Variants in ZC3H12D observed in about 807,000 individuals in gnomAD.
ZC3H12D encodes the protein zinc finger CCCH-type containing 12D.
Under a neutral mutation model 24.2 loss-of-function variants are expected in ZC3H12D, and 11 were observed. The observed-to-expected ratio is 0.46, with a 90% confidence interval of 0.29 to 0.75. The LOEUF (loss-of-function observed/expected upper bound fraction) is 0.75, where lower values mean the gene tolerates loss of function less well. Among genes scored for constraint, ZC3H12D ranks in the 30% least tolerant of loss-of-function variants. The pLI is 0.11. For synonymous variants in ZC3H12D, 333 were observed against 341.8 expected (o/e 0.97, Z 0.28); for missense variants, 740 against 767.7 (o/e 0.96, Z 0.43).
intron 2 of ZC3H12D, 80 bp from the exon 3 acceptor site, chr6:149,462,050 C>T (rs1274595506): frequency 6.7e-7 from 1 of 1,496,426 alleles, no homozygotes; most frequent in East Asian, 2.4e-5. Flanking sequence ...TCCTGGATCA[C>T]AGTCTCATAA....
At position 149,456,506 on chromosome 6, in the gene ZC3H12D, C is replaced by T. The variant is rs369710436; in HGVS notation, c.680+160G>A. On this transcript the variant is annotated intron_variant, in intron 4 of 5. Coordinates refer to ENST00000409806, the MANE Select transcript of ZC3H12D (RefSeq NM_207360.3). This position sits in a 1 kb window ranked among gnomAD's most constrained non-coding sequence, Gnocchi z 4.3. The stretch of plus-strand genomic sequence containing the variant: ...AGCAAAGCAGCCCACCTATTGGGGA[C>T]GTGCCCGCCGAGAATGCGGACCTGG... 1.3e-5 allele frequency among the ~76,000 whole-genome samples: 2 copies of T among 152,152 alleles called. No homozygotes were observed. Among genetic ancestry groups the T allele is most frequent in the South Asian group, 2.1e-4 (1 of 4,804 alleles).
Position 149,456,989 on chromosome 6 carries a change from GC to G in ZC3H12D, c.446-90del, listed in dbSNP as rs1775995343. Reference sequence around the variant, plus strand: ...CAACGCGAGGCCACCCGCTTCCCGGGCCGGTCAGATGAGGTTTTGAGGGGAG... The same window carrying G: ...CAACGCGAGGCCACCCGCTTCCCGGGCGGTCAGATGAGGTTTTGAGGGGAG... On this transcript the variant is annotated intron_variant, in intron 3 of 5. Transcript: ENST00000409806. The surrounding 1 kb of genome is among the most constrained non-coding windows in gnomAD (Gnocchi z 4.3). The G allele has an allele frequency of 7.4e-7, 1 of 1,342,952 alleles. No homozygotes were observed. Among genetic ancestry groups the G allele is most frequent in the Admixed American group, 2.1e-5 (1 of 47,542 alleles). The allele number at this position is 1,342,952 out of a possible 1,614,324, so 83.2% of individuals were successfully genotyped here.
chr6:149,460,641 C>G (rs931245720), intron 3 of ZC3H12D, among the ~76,000 whole-genome samples: 2 of 152,004 alleles, frequency 1.3e-5, no homozygotes, highest in Non-Finnish European at 2.9e-5. Flanking sequence ...TCAAGACCAG[C>G]CAACATGATG....
chr6:149,456,622 C>CCCCCCCCCCCCCCCCCCGGGGTGACG lies in ZC3H12D; in HGVS notation c.680+43_680+44insCGTCACCCCGGGGGGGGGGGGGGGGG. On this transcript the variant is annotated intron_variant, in intron 4 of 5. Transcript: ENST00000409806. This position sits in a 1 kb window ranked among gnomAD's most constrained non-coding sequence, Gnocchi z 4.3. ...GGCCACTGCCTCGACCCCGGCCCCCCGCCCCGCCGCCCCCCAGGGTGTCAG... is the reference window on the plus strand; with the variant it reads ...GGCCACTGCCTCGACCCCGGCCCCCCCCCCCCCCCCCCCCCCCGGGGTGACGGCCCCGCCGCCCCCCAGGGTGTCAG... 1.5e-6 allele frequency: 2 copies of CCCCCCCCCCCCCCCCCCGGGGTGACG among 1,314,360 alleles called. No homozygotes were observed. The highest frequency in any genetic ancestry group is 2.2e-6 in the Non-Finnish European group (2 of 921,308). The allele number at this position is 1,314,360 out of a possible 1,614,324, so 81.4% of individuals were successfully genotyped here.
At position 149,448,620 on chromosome 6, in the gene ZC3H12D, C is replaced by T. The variant is rs916159888; in HGVS notation, c.*2063G>A. 14 of 152,208 alleles carry T rather than the reference C, an allele frequency of 9.2e-5. No individual in the cohort carries two copies. The highest frequency in any genetic ancestry group is 3.1e-4 in the African/African-American group (13 of 41,452). 9.4% of individuals were successfully genotyped at this position (152,208 alleles called of 1,614,324 possible). ...AACTTATTTACAAAGAATGGGTCAT[C>T]TTCAGGCCTGAGATCCCAATATGTT... is the stretch of plus-strand genomic sequence containing the variant. On this transcript the variant is annotated 3_prime_UTR_variant, in exon 6 of 6. Coordinates refer to ENST00000409806, the MANE Select transcript of ZC3H12D (RefSeq NM_207360.3).
intron 1 of ZC3H12D, among the ~76,000 whole-genome samples, chr6:149,476,444 C>T (rs1776341860): frequency 6.6e-6 from 1 of 151,952 alleles, no homozygotes; most frequent in Non-Finnish European, 1.5e-5. Flanking sequence ...GCAGAGGCTG[C>T]AGTAAGCCAA....
At chr6:149,475,860 G>A (rs1230388512) in intron 1 of ZC3H12D, among the ~76,000 whole-genome samples, 1 of 152,100 alleles carries the variant, frequency 6.6e-6, no homozygotes, top group East Asian at 1.9e-4. Flanking sequence ...AAACCAACAG[G>A]AACACTCTAG....
rs771978450 is a variant in ZC3H12D at position 149,452,668 on chromosome 6, G to A, written c.735C>T (p.Phe245=). 1.9e-6 allele frequency: 3 copies of A among 1,608,682 alleles called. No individual in the cohort carries two copies. The highest frequency in any genetic ancestry group is 1.1e-5 in the South Asian group (1 of 89,950). Residue 245 remains phenylalanine, a synonymous_variant, in exon 5 of 6, where the codon TTC becomes TTT. Transcript: ENST00000409806. The surrounding 1 kb of genome is among the most constrained non-coding windows in gnomAD (Gnocchi z 4.0). The part of the protein sequence containing the change: ...LGRHGPSLSN[F]LSRKPKPPEP... ...CTGGGGGCTTCGGCTTCCTGCTCAG[G>A]AAGTTGCTCAGGGAGGGTCCATGGC...
At chr6:149,465,775 G>A (rs1250325581) in intron 2 of ZC3H12D, among the ~76,000 whole-genome samples, 4 of 140,860 alleles carry the variant, frequency 2.8e-5, no homozygotes, top group Admixed American at 6.9e-5. Flanking sequence ...AAGGGGGGGG[G>A]AAGAGGAAGC....
chr6:149,465,771 G>T (rs56019219), intron 2 of ZC3H12D, among the ~76,000 whole-genome samples: 23 of 150,628 alleles, frequency 1.5e-4, no homozygotes, highest in East Asian at 3.9e-4. Context: ...AAAAAAGGGG[G>T]GGGGAAGAGG....
rs530648650 is a variant in ZC3H12D at position 149,447,628 on chromosome 6, T to G, written c.*3055A>C. 1 of 152,272 alleles carries G rather than the reference T, an allele frequency of 6.6e-6. No individual in the cohort carries two copies. Among genetic ancestry groups the G allele is most frequent in the African/African-American group, 2.4e-5 (1 of 41,556 alleles). The allele number at this position is 152,272 out of a possible 1,614,324, so 9.4% of individuals were successfully genotyped here. A position where few individuals can be genotyped will look rare whatever the true frequency, so the allele number is the denominator to read the frequency against. The stretch of plus-strand genomic sequence containing the variant: ...ACAATTTGACAATAAAGAATCCAGG[T>G]GTGGTAAAAAATGATTTATTTTTGA... On this transcript the variant is annotated 3_prime_UTR_variant, in exon 6 of 6. Transcript: ENST00000409806.
At chr6:149,473,107 G>A (rs1334625856) in intron 2 of ZC3H12D, among the ~76,000 whole-genome samples, 1 of 150,040 alleles carries the variant, frequency 6.7e-6, no homozygotes, top group African/African-American at 2.5e-5. Context: ...TGGCATCAAT[G>A]CCAGGGAGAC....
intron 4 of ZC3H12D, among the ~76,000 whole-genome samples, chr6:149,453,266 C>T (rs981377453): frequency 6.6e-6 from 1 of 150,666 alleles, no homozygotes; most frequent in Admixed American, 6.6e-5. Context: ...TGCCACTGCA[C>T]TCCAGCCCCG....
intron 1 of ZC3H12D, among the ~76,000 whole-genome samples, chr6:149,483,611 C>T (rs1399621421): frequency 6.6e-6 from 1 of 152,204 alleles, no homozygotes; most frequent in African/African-American, 2.4e-5. Flanking sequence ...GCTTATTTTG[C>T]TCAGCATTAT....
At chr6:149,454,928 C>A (rs1416550113) in intron 4 of ZC3H12D, among the ~76,000 whole-genome samples, 1 of 152,248 alleles carries the variant, frequency 6.6e-6, no homozygotes, top group Non-Finnish European at 1.5e-5. Context: ...GCTGCAGGGG[C>A]AGTTGGCCTT....
intron 5 of ZC3H12D, 79 bp from the exon 6 acceptor site, chr6:149,451,558 G>T: frequency 7.8e-7 from 1 of 1,285,006 alleles, no homozygotes; most frequent in African/African-American, 1.6e-5. Flanking sequence ...TGCATCCGGG[G>T]AGTGCCGGCC....
chr6:149,474,723 G>C (rs565076935), intron 1 of ZC3H12D, 110 bp from the exon 2 acceptor site: 1 of 485,160 alleles, frequency 2.1e-6, no homozygotes, highest in African/African-American at 1.9e-5. Context: ...AAATCAGGTG[G>C]AGCCCAGTCC....
intron 3 of ZC3H12D, among the ~76,000 whole-genome samples, chr6:149,457,579 T>C (rs371024236): frequency 1.2e-4 from 19 of 152,354 alleles, no homozygotes; most frequent in Middle Eastern, 3.4e-3. Flanking sequence ...AAAATGAAGA[T>C]AGCAACGCCT....
chr6:149,458,168 C>G (rs384503), intron 3 of ZC3H12D, among the ~76,000 whole-genome samples: 15,527 of 102,984 alleles, frequency 0.15, 1,277 homozygotes, highest in African/African-American at 0.23. Flanking sequence ...CAAGATCTCA[C>G]TGTGTCACCC....
Sources: allele counts gnomAD v4.1 joint callset (sites outside exome capture counted in the v4.1 genomes callset), GRCh38; gene constraint gnomAD v4.1.1; non-coding constraint Gnocchi (gnomAD v3.1); transcripts MANE v1.5; gene names NCBI Gene and HGNC (gene_info 2026-07-23, HGNC 2026-07-21).